CHST8: variants seen among roughly 807,000 people sequenced by gnomAD.
CHST8 encodes GALNAC-4-ST1.
In CHST8, 10 loss-of-function variants were observed where a neutral mutation model predicts 15.0. The observed-to-expected ratio is 0.67, with a 90% CI of 0.41 to 1.13. The LOEUF is 1.13. Ranked by LOEUF, CHST8 falls within the 50% of genes most tolerant of loss-of-function variation. The probability of loss-of-function intolerance (pLI) is 0.00; values close to 1 mark genes in which losing one functional copy is unlikely to be tolerated. For missense variants in CHST8, 634 were observed against 608.2 expected (o/e 1.04, Z -0.45); for synonymous variants, 259 against 256.6 (o/e 1.01, Z -0.09).
At chr19:33,622,620 C>T (rs778745441) in intron 1 of CHST8, among the ~76,000 whole-genome samples, 3 of 152,132 alleles carry the variant, frequency 2.0e-5, no homozygotes, top group Non-Finnish European at 2.9e-5. Context: ...TCCTGGCCCT[C>T]GGTGCTGCCC....
Position 33,680,428 on chromosome 19 carries a change from A to T in CHST8, c.-86-8748A>T, listed in dbSNP as rs117559670. On this transcript the variant is annotated intron_variant, in intron 2 of 4. Coordinates refer to ENST00000650847, the MANE Select transcript of CHST8 (RefSeq NM_001127895.2). Reference sequence around the variant, plus strand: ...AATCTGTGCTGCGGCTAAATCTGAGATCCTGGCTGATGGCTTCAGAGCCAA... The same window carrying T: ...AATCTGTGCTGCGGCTAAATCTGAGTTCCTGGCTGATGGCTTCAGAGCCAA... Among the ~76,000 whole-genome samples, 911 of 152,288 alleles carry T rather than the reference A, an allele frequency of 6.0e-3. 7 individuals are homozygous for T. Among genetic ancestry groups the T allele is most frequent in the Non-Finnish European group, 9.2e-3 (628 of 68,024 alleles).
rs540614541 is a variant in CHST8 at position 33,741,723 on chromosome 19, A to T, written c.131-29690A>T. On this transcript the variant is annotated intron_variant, in intron 3 of 4. Transcript: ENST00000650847. The stretch of plus-strand genomic sequence containing the variant: ...GAGTCCTGTGGATTTTTTTTTTTTT[A>T]AATTGTGCTAATCTCTATGAGACCC... Among the ~76,000 whole-genome samples the T allele has an allele frequency of 5.0e-4, 75 of 149,190 alleles. 1 individual carries two copies. The South Asian group carries it at 0.01, about 21-fold the overall frequency.
intron 3 of CHST8, among the ~76,000 whole-genome samples, chr19:33,708,643 G>A (rs1973490205): frequency 6.6e-6 from 1 of 152,198 alleles, no homozygotes; most frequent in Non-Finnish European, 1.5e-5. Context: ...ATAAAAAGTT[G>A]TGAAATCAGG....
At chr19:33,766,201 C>T (rs1330777552) in intron 3 of CHST8, among the ~76,000 whole-genome samples, 1 of 151,988 alleles carries the variant, frequency 6.6e-6, no homozygotes, top group African/African-American at 2.4e-5. Flanking sequence ...CTCTCTCCTT[C>T]TCCCCTCCTC....
At chr19:33,685,804 G>A (rs546418679) in intron 2 of CHST8, among the ~76,000 whole-genome samples, 1 of 152,126 alleles carries the variant, frequency 6.6e-6, no homozygotes, top group Admixed American at 6.5e-5. Context: ...TGAAAACAAC[G>A]TGCGACTTGG....
At chr19:33,768,400 C>A (rs1275796130) in intron 3 of CHST8, among the ~76,000 whole-genome samples, 5 of 152,072 alleles carry the variant, frequency 3.3e-5, no homozygotes, top group African/African-American at 1.2e-4. Context: ...CATAGCAAGA[C>A]CCCATCTCTA....
At chr19:33,701,980 T>TTGTA (rs1348735831) in intron 3 of CHST8, among the ~76,000 whole-genome samples, 2 of 152,154 alleles carry the variant, frequency 1.3e-5, no homozygotes, top group Non-Finnish European at 2.9e-5. Flanking sequence ...GTCTATATGT[T>TTGTA]TGTTTGTTTG....
chr19:33,750,958 A>C (rs1023095995), intron 3 of CHST8, among the ~76,000 whole-genome samples: 2 of 149,492 alleles, frequency 1.3e-5, no homozygotes, highest in Non-Finnish European at 3.0e-5. Flanking sequence ...TGAGGATTTC[A>C]TTATGAGCTC....
intron 3 of CHST8, among the ~76,000 whole-genome samples, chr19:33,754,364 T>C (rs1974502652): frequency 1.3e-5 from 2 of 151,850 alleles, no homozygotes; most frequent in Admixed American, 6.6e-5. Flanking sequence ...CCGTCCTTGC[T>C]ACAGCACTCT....
At chr19:33,735,936 G>GT (rs1974074233) in intron 3 of CHST8, among the ~76,000 whole-genome samples, 1 of 152,096 alleles carries the variant, frequency 6.6e-6, no homozygotes, top group Admixed American at 6.5e-5. Flanking sequence ...TTAAAGATGT[G>GT]TATTTTCTAA....
intron 3 of CHST8, among the ~76,000 whole-genome samples, chr19:33,737,892 A>T (rs1974115702): frequency 6.6e-6 from 1 of 152,162 alleles, no homozygotes; most frequent in Admixed American, 6.5e-5. Context: ...ATCTCCAAGC[A>T]CTAGAGAATT....
intron 3 of CHST8, among the ~76,000 whole-genome samples, chr19:33,725,646 G>A (rs1359276339): frequency 6.6e-6 from 1 of 152,152 alleles, no homozygotes; most frequent in Non-Finnish European, 1.5e-5. Flanking sequence ...ACCCACTCTG[G>A]CCTCCCTGGT....
intron 3 of CHST8, among the ~76,000 whole-genome samples, chr19:33,712,302 A>G (rs1447995185): frequency 6.6e-6 from 1 of 152,218 alleles, no homozygotes; most frequent in African/African-American, 2.4e-5. Context: ...GAAGAGATCA[A>G]CAGCAGTTTA....
At chr19:33,685,697 C>T (rs1158620173) in intron 2 of CHST8, among the ~76,000 whole-genome samples, 1 of 152,164 alleles carries the variant, frequency 6.6e-6, no homozygotes, top group Non-Finnish European at 1.5e-5. Flanking sequence ...TTCCAGGCCC[C>T]AGCCTGTGAC....
chr19:33,711,552 A>G (rs1211666499), intron 3 of CHST8, among the ~76,000 whole-genome samples: 1 of 152,206 alleles, frequency 6.6e-6, no homozygotes, highest in East Asian at 1.9e-4. Context: ...GTACTTCTGT[A>G]AGAAGAAAAT....
intron 1 of CHST8, among the ~76,000 whole-genome samples, chr19:33,623,111 G>A (rs1194586255): frequency 1.3e-5 from 2 of 152,140 alleles, no homozygotes; most frequent in Admixed American, 1.3e-4. Flanking sequence ...GGTCTGATGT[G>A]ACCCCGATTC....
chr19:33,760,141 C>T (rs1397776001), intron 3 of CHST8, among the ~76,000 whole-genome samples: 1 of 152,046 alleles, frequency 6.6e-6, no homozygotes, highest in East Asian at 1.9e-4. Context: ...TCAGAATGGT[C>T]CTTAAATTCA....
At chr19:33,634,173 C>T (rs2145439247) in intron 1 of CHST8, among the ~76,000 whole-genome samples, 1 of 152,274 alleles carries the variant, frequency 6.6e-6, no homozygotes, top group African/African-American at 2.4e-5. Flanking sequence ...ACCTCCTCAC[C>T]AGTATATGCA....
chr19:33,708,439 A>G (rs1295393924), intron 3 of CHST8, among the ~76,000 whole-genome samples: 1 of 152,182 alleles, frequency 6.6e-6, no homozygotes, highest in African/African-American at 2.4e-5. Flanking sequence ...TTCTCTTTGC[A>G]TGTGAATATC....
Sources: allele counts gnomAD v4.1 joint callset (sites outside exome capture counted in the v4.1 genomes callset), GRCh38; gene constraint gnomAD v4.1.1; transcripts MANE v1.5; gene names NCBI Gene and HGNC (gene_info 2026-07-23, HGNC 2026-07-21).